Variants in NPSR1 observed in about 807,000 individuals in gnomAD.
The protein encoded by NPSR1 is neuropeptide S receptor 1, also known as neuropeptide S receptor.
Under a neutral mutation model 46.9 loss-of-function variants are expected in NPSR1, and 48 were observed. The observed-to-expected ratio is 1.02, with a 90% CI of 0.81 to 1.30. The LOEUF is 1.30. Ranked by LOEUF, NPSR1 falls within the 50% of genes most tolerant of loss-of-function variation. The pLI is 0.00. For synonymous variants in NPSR1, 176 were observed against 168.1 expected, an observed-to-expected ratio of 1.05 and a Z score of -0.36; for missense variants, 450 against 449.5, an observed-to-expected ratio of 1.00 and a Z score of -0.01.
intron 2 of NPSR1, among the ~76,000 whole-genome samples, chr7:34,726,794 G>GA (rs1054787950): frequency 7.0e-6 from 1 of 141,846 alleles, no homozygotes; most frequent in Non-Finnish European, 1.5e-5. Flanking sequence ...TGACATTCTG[G>GA]AAAAAAACAA....
chr7:34,705,637 T>G (rs1018214517), intron 2 of NPSR1, among the ~76,000 whole-genome samples: 2 of 152,062 alleles, frequency 1.3e-5, no homozygotes, highest in Admixed American at 6.6e-5. Context: ...TACACACACA[T>G]AAGTCTTTTC....
intron 4 of NPSR1, 95 bp downstream of exon 4, chr7:34,811,958 T>C: frequency 1.3e-6 from 1 of 745,808 alleles, no homozygotes; most frequent in Middle Eastern, 2.7e-4. Context: ...ATAATAGTGA[T>C]CTTCCTCCTC....
intron 6 of NPSR1, among the ~76,000 whole-genome samples, chr7:34,839,977 T>C (rs997231214): frequency 1.3e-5 from 2 of 152,072 alleles, no homozygotes; most frequent in South Asian, 4.2e-4. Context: ...CAGGAATGGG[T>C]TTTGTGAACA....
chr7:34,870,973 T>C lies in NPSR1; in HGVS notation c.1026-7103T>C, dbSNP rs369901836. Among the ~76,000 whole-genome samples the C allele has an allele frequency of 2.6e-3, 397 of 151,846 alleles. 1 individual carries two copies. The highest frequency in any genetic ancestry group is 4.1e-3 in the Non-Finnish European group (278 of 68,016). On this transcript the variant is annotated intron_variant, in intron 8 of 8. Transcript: ENST00000359791. ...ATGAAAGGAAGGGTAGATGAACAGA[T>C]AGATGGATATCTGAAAGCAGAAGTT...
chr7:34,709,871 G>A (rs1478728268), intron 2 of NPSR1, among the ~76,000 whole-genome samples: 1 of 152,102 alleles, frequency 6.6e-6, no homozygotes, highest in Middle Eastern at 3.2e-3. Flanking sequence ...AAAAAAAGAT[G>A]AGAAGGAGAA....
rs114996160 is a variant in NPSR1 at position 34,804,868 on chromosome 7, T to C, written c.385-6902T>C. On this transcript the variant is annotated intron_variant, in intron 3 of 8. Transcript: ENST00000360581. ...GCAACACTGAAGAATAGAAGGTTAA[T>C]ATACAAAAGTCAGTTGTTTTTTTCC... 2.7e-3 allele frequency among the ~76,000 whole-genome samples: 413 copies of C among 152,094 alleles called. 2 individuals are homozygous for C. The highest frequency in any genetic ancestry group is 9.5e-3 in the African/African-American group (395 of 41,542).
chr7:34,664,608 C>T (rs1056526285), intron 1 of NPSR1, among the ~76,000 whole-genome samples: 5 of 101,300 alleles, frequency 4.9e-5, no homozygotes, highest in African/African-American at 1.9e-4. Context: ...TGTTTCTTTT[C>T]TTTTTTTTAA....
rs769359607 is a variant in NPSR1, at chr7:34,812,607, T to C, written c.478+744T>C. On this transcript the variant is annotated intron_variant, in intron 4 of 8. Transcript: ENST00000360581. ...GATTTGAAGAGGCAGAGAGGGGCCC[T>C]GGGGAGCAGTAATGCCCTAGAGGAA... is the stretch of plus-strand genomic sequence containing the variant. Among the ~76,000 whole-genome samples, 62 of 152,192 alleles carry C rather than the reference T, an allele frequency of 4.1e-4. 2 individuals are homozygous for C. Among genetic ancestry groups the C allele is most frequent in the Non-Finnish European group, 1.2e-4 (8 of 68,042 alleles).
Position 34,803,905 on chromosome 7 carries a change from G to C in NPSR1, c.385-7865G>C, listed in dbSNP as rs141945428. 3.4e-3 allele frequency among the ~76,000 whole-genome samples: 522 copies of C among 151,962 alleles called. 3 individuals carry two copies. The highest frequency in any genetic ancestry group is 0.012 in the African/African-American group (507 of 41,480). On this transcript the variant is annotated intron_variant, in intron 3 of 8. Transcript: ENST00000360581. ...ACAAGTTTGATAGCTTAGATGAAAT[G>C]AACCTATTCCTTGAAAAGCTCAATC...
intron 2 of NPSR1, among the ~76,000 whole-genome samples, chr7:34,726,044 G>T (rs958539792): frequency 6.6e-6 from 1 of 152,228 alleles, no homozygotes; most frequent in African/African-American, 2.4e-5. Context: ...GGAGCTGTGA[G>T]TCAGTTAAAC....
At chr7:34,864,079 A>G (rs947976740) in intron 8 of NPSR1, among the ~76,000 whole-genome samples, 3 of 151,742 alleles carry the variant, frequency 2.0e-5, no homozygotes, top group Middle Eastern at 3.2e-3. Flanking sequence ...GCAGGGACAT[A>G]GATGAAGCTG....
chr7:34,862,041 T>C (rs1791201585), intron 8 of NPSR1, among the ~76,000 whole-genome samples: 1 of 151,822 alleles, frequency 6.6e-6, no homozygotes, highest in African/African-American at 2.4e-5. Context: ...GTGCCAACCA[T>C]TGCACCTGCA....
At chr7:34,854,297 G>T (rs1399418557), downstream of NPSR1, among the ~76,000 whole-genome samples, 2 of 152,130 alleles carry the variant, frequency 1.3e-5, no homozygotes, top group African/African-American at 2.4e-5. Flanking sequence ...GAAGATGGTG[G>T]TTTTTTTATC....
intron 2 of NPSR1, among the ~76,000 whole-genome samples, chr7:34,712,118 G>A (rs964559589): frequency 5.3e-5 from 8 of 152,012 alleles, no homozygotes; most frequent in Non-Finnish European, 8.8e-5. Flanking sequence ...GCTTATTTAC[G>A]TTATCTCTCC....
chr7:34,791,259 T>C (rs1353507208), intron 3 of NPSR1, among the ~76,000 whole-genome samples: 2 of 132,286 alleles, frequency 1.5e-5, no homozygotes, highest in Non-Finnish European at 3.1e-5. Context: ...TGTTATATAT[T>C]ATATGTTATA....
intron 6 of NPSR1, among the ~76,000 whole-genome samples, chr7:34,840,967 C>A (rs1244121323): frequency 1.3e-5 from 2 of 152,142 alleles, no homozygotes; most frequent in African/African-American, 4.8e-5. Context: ...AAATACTGAA[C>A]TGATGAGTTC....
At chr7:34,738,856 A>G (rs1234247489) in intron 2 of NPSR1, among the ~76,000 whole-genome samples, 2 of 152,182 alleles carry the variant, frequency 1.3e-5, no homozygotes, top group Non-Finnish European at 1.5e-5. Flanking sequence ...CCAAAACCCA[A>G]AAGGAAACTT....
intron 2 of NPSR1, among the ~76,000 whole-genome samples, chr7:34,726,999 T>C (rs78596635): frequency 1.3e-3 from 202 of 152,260 alleles, no homozygotes; most frequent in African/African-American, 4.6e-3. Flanking sequence ...TGAACCCTAA[T>C]GTAGACAATG....
Position 34,868,138 on chromosome 7 carries a change from T to C in NPSR1, c.1026-9938T>C, listed in dbSNP as rs1053928743. On this transcript the variant is annotated intron_variant, in intron 8 of 8. Coordinates refer to the NPSR1 transcript ENST00000359791. ...AAATAAACCTCTGGTGAATTTTCTT[T>C]ATTAAAGAGCAAGAAGTCAGCTGGT... Among the ~76,000 whole-genome samples the C allele has an allele frequency of 1.8e-4, 28 of 151,708 alleles. 3 individuals are homozygous for C. The highest frequency in any genetic ancestry group is 6.8e-4 in the African/African-American group (28 of 40,986).
Sources: allele counts gnomAD v4.1 joint callset (sites outside exome capture counted in the v4.1 genomes callset), GRCh38; gene constraint gnomAD v4.1.1; transcripts MANE v1.5; gene names NCBI Gene and HGNC (gene_info 2026-07-23, HGNC 2026-07-21).